MAN1C1: variants seen among roughly 807,000 people sequenced by gnomAD.
MAN1C1 encodes the protein mannosidase alpha class 1C member 1.
Under a neutral mutation model 71.5 loss-of-function variants are expected in MAN1C1, and 49 were observed. That is an observed-to-expected ratio of 0.69 (90% CI 0.54 to 0.87). The LOEUF (loss-of-function observed/expected upper bound fraction) is 0.87, where lower values mean the gene tolerates loss of function less well. MAN1C1 is among the 40% of genes least tolerant of loss of function. The pLI is 0.00. For synonymous variants in MAN1C1, 352 were observed against 343.7 expected, an observed-to-expected ratio of 1.02 and a Z score of -0.27; for missense variants, 743 against 835.0, an observed-to-expected ratio of 0.89 and a Z score of 1.36.
At position 25,712,700 on chromosome 1, in the gene MAN1C1, C is replaced by T. The variant is rs535006921; in HGVS notation, c.637+26164C>T. Among the ~76,000 whole-genome samples, 6 of 152,290 alleles carry T rather than the reference C, an allele frequency of 3.9e-5. No homozygotes were observed. The South Asian group carries it at 1.2e-3, about 32-fold the overall frequency. ...CTCGAATAGGAAAACCTACTCTCTC[C>T]CTGATGATCTTCCACCCGCTTCAAC... On this transcript the variant is annotated intron_variant, in intron 2 of 11. Transcript: ENST00000374332.
At chr1:25,767,090 C>A (rs1436004249) in intron 7 of MAN1C1, among the ~76,000 whole-genome samples, 1 of 151,886 alleles carries the variant, frequency 6.6e-6, no homozygotes, top group African/African-American at 2.4e-5. Context: ...ACAATGTCTT[C>A]TCATTCCTAT....
chr1:25,663,917 C>T (rs979754758), intron 1 of MAN1C1, among the ~76,000 whole-genome samples: 1 of 152,138 alleles, frequency 6.6e-6, no homozygotes, highest in African/African-American at 2.4e-5. Flanking sequence ...GATAATGGGA[C>T]AGAATATTTG....
At chr1:25,773,135 C>T (rs535567547) in intron 8 of MAN1C1, among the ~76,000 whole-genome samples, 11 of 152,336 alleles carry the variant, frequency 7.2e-5, no homozygotes, top group Admixed American at 5.9e-4. Flanking sequence ...ATCTTGTCTG[C>T]TCCTAAAACA....
rs751546466 is a variant in MAN1C1 at position 25,778,079 on chromosome 1, CT to C, written c.1258-25del. ...CTGTGCCCTCCCACGCCCCTTCTCCCTGCCCAATCCCCACCTTGCTCCCAGG... is the reference window on the plus strand; with the variant it reads ...CTGTGCCCTCCCACGCCCCTTCTCCCGCCCAATCCCCACCTTGCTCCCAGG... On this transcript the variant is annotated intron_variant, in intron 8 of 11. Transcript: ENST00000374332. The surrounding 1 kb of genome is among the most constrained non-coding windows in gnomAD (Gnocchi z 5.5). The C allele has an allele frequency of 5.0e-5, 76 of 1,515,428 alleles. 2 individuals are homozygous for C. The Middle Eastern group carries it at 7.9e-3, about 157-fold the overall frequency. The allele number at this position is 1,515,428 out of a possible 1,614,324, so 93.9% of individuals were successfully genotyped here.
rs952703475 is a variant in MAN1C1, at chr1:25,764,461, G to A, written c.1141+494G>A. On this transcript the variant is annotated intron_variant, in intron 7 of 11. Coordinates refer to ENST00000374332, the MANE Select transcript of MAN1C1 (RefSeq NM_020379.4). The surrounding 1 kb of genome is among the most constrained non-coding windows in gnomAD (Gnocchi z 4.4). ...AGAGTCTCACTCTGTCACCCAGGCC[G>A]GAGTGCAGTGGCACGATCTCGGCTC... 5.9e-5 allele frequency among the ~76,000 whole-genome samples: 9 copies of A among 151,790 alleles called. No homozygotes were observed. The highest frequency in any genetic ancestry group is 5.2e-4 in the Admixed American group (8 of 15,266).
At chr1:25,737,506 T>C (rs536186444) in intron 2 of MAN1C1, among the ~76,000 whole-genome samples, 1 of 152,358 alleles carries the variant, frequency 6.6e-6, no homozygotes, top group Admixed American at 6.5e-5. Flanking sequence ...AAGAAAGAGC[T>C]GTTGGCATTT....
At position 25,783,799 on chromosome 1, in the gene MAN1C1, CT is replaced by C; in HGVS notation, c.*11del. ...CTGGGGCAGACACTGACCCCATCTCCTGCCGCCGCCCTGGGGCCGCCGCAGG... is the reference window on the plus strand; with the variant it reads ...CTGGGGCAGACACTGACCCCATCTCCGCCGCCGCCCTGGGGCCGCCGCAGG... On this transcript the variant is annotated 3_prime_UTR_variant, in exon 12 of 12. Transcript: ENST00000374332. The C allele has an allele frequency of 6.2e-7, 1 of 1,607,912 alleles. No individual in the cohort carries two copies. Among genetic ancestry groups the C allele is most frequent in the Non-Finnish European group, 8.5e-7 (1 of 1,179,286 alleles).
intron 2 of MAN1C1, among the ~76,000 whole-genome samples, chr1:25,705,133 ACATGCCC>A (rs1305735204): frequency 1.3e-5 from 2 of 152,262 alleles, no homozygotes; most frequent in Non-Finnish European, 2.9e-5. Context: ...TCAGTTTAAT[ACATGCCC>A]ATTATAGTGA....
At position 25,727,949 on chromosome 1, in the gene MAN1C1, G is replaced by A. The variant is rs564424693; in HGVS notation, c.638-18719G>A. Reference sequence around the variant, plus strand: ...ATAACACAGTCTACCTGCCATGTCTGAAAAATCAGGCGTGCGTCTTCCTGG... The same window carrying A: ...ATAACACAGTCTACCTGCCATGTCTAAAAAATCAGGCGTGCGTCTTCCTGG... On this transcript the variant is annotated intron_variant, in intron 2 of 11. Coordinates refer to ENST00000374332, the MANE Select transcript of MAN1C1 (RefSeq NM_020379.4). Among the ~76,000 whole-genome samples the A allele has an allele frequency of 1.4e-3, 212 of 152,360 alleles. 2 individuals are homozygous for A. The highest frequency in any genetic ancestry group is 4.2e-3 in the African/African-American group (176 of 41,586).
chr1:25,740,134 G>A (rs1344224325), intron 2 of MAN1C1, among the ~76,000 whole-genome samples: 1 of 152,160 alleles, frequency 6.6e-6, no homozygotes, highest in Non-Finnish European at 1.5e-5. Flanking sequence ...TGCCCCTGGT[G>A]ATGAAGGCTG....
At chr1:25,639,880 T>C (rs2045514340) in intron 1 of MAN1C1, among the ~76,000 whole-genome samples, 1 of 152,228 alleles carries the variant, frequency 6.6e-6, no homozygotes, top group African/African-American at 2.4e-5. Context: ...TATTTTTTGC[T>C]CATCTGCTTT....
intron 2 of MAN1C1, among the ~76,000 whole-genome samples, chr1:25,718,657 G>C (rs2046716753): frequency 1.3e-5 from 2 of 152,126 alleles, no homozygotes; most frequent in African/African-American, 4.8e-5. Flanking sequence ...GCCTTTTTTG[G>C]ATGTTTCATA....
intron 7 of MAN1C1, among the ~76,000 whole-genome samples, chr1:25,768,007 ACACACACAGACC>A (rs2047470737): frequency 2.5e-5 from 2 of 80,718 alleles, no homozygotes; most frequent in African/African-American, 9.6e-5. Flanking sequence ...ACACTCCCCC[ACACACACAGACC>A]CACACACCCA....
At chr1:25,770,789 C>T (rs919638193) in intron 7 of MAN1C1, among the ~76,000 whole-genome samples, 2 of 151,778 alleles carry the variant, frequency 1.3e-5, no homozygotes, top group African/African-American at 4.8e-5. Flanking sequence ...CCCATTCCCC[C>T]CGCCCCGCCT....
chr1:25,639,287 C>T (rs2045506692), intron 1 of MAN1C1, among the ~76,000 whole-genome samples: 1 of 152,066 alleles, frequency 6.6e-6, no homozygotes, highest in Non-Finnish European at 1.5e-5. Context: ...TTTATAATAG[C>T]TTTTTAAAAA....
chr1:25,753,660 G>A lies in MAN1C1; in HGVS notation c.929+82G>A. The A allele has an allele frequency of 1.6e-6, 2 of 1,270,170 alleles. No individual in the cohort carries two copies. The highest frequency in any genetic ancestry group is 2.5e-5 in the East Asian group (1 of 40,018). 78.7% of individuals were successfully genotyped at this position (1,270,170 alleles called of 1,614,324 possible). On this transcript the variant is annotated intron_variant, in intron 5 of 11. Transcript: ENST00000374332. The surrounding 1 kb of genome is among the most constrained non-coding windows in gnomAD (Gnocchi z 4.9). Reference sequence around the variant, plus strand: ...TGTTTTGTCTGGGTGGTGCTGGTGAGGAGGCTCCAGGGGCAGTAGGCAGGC... The same window carrying A: ...TGTTTTGTCTGGGTGGTGCTGGTGAAGAGGCTCCAGGGGCAGTAGGCAGGC...
chr1:25,747,575 T>C (rs2047147601), intron 3 of MAN1C1, among the ~76,000 whole-genome samples: 1 of 152,088 alleles, frequency 6.6e-6, no homozygotes, highest in Non-Finnish European at 1.5e-5. Flanking sequence ...TGCAGACAGG[T>C]CTGGGGCTGG....
At chr1:25,721,902 A>T (rs1445457864) in intron 2 of MAN1C1, among the ~76,000 whole-genome samples, 1 of 152,076 alleles carries the variant, frequency 6.6e-6, no homozygotes, top group Non-Finnish European at 1.5e-5. Flanking sequence ...CTCATTTTCC[A>T]TCCCCTATTT....
chr1:25,643,586 TTTATTATTA>T lies in MAN1C1; in HGVS notation c.540+25270_540+25278del, dbSNP rs376041844. Among the ~76,000 whole-genome samples, 12 of 139,866 alleles carry T rather than the reference TTTATTATTA, an allele frequency of 8.6e-5. 1 individual carries two copies. In the South Asian group the frequency reaches 1.8e-3, roughly 21 times the overall value. The allele number at this position is 139,866 out of a possible 152,430, so 91.8% of individuals were successfully genotyped here. A position where few individuals can be genotyped will look rare whatever the true frequency, so the allele number is the denominator to read the frequency against. On this transcript the variant is annotated intron_variant, in intron 1 of 11. Transcript: ENST00000374332. ...ACGCCTGGCCTTTTATATATATATA[TTTATTATTA>T]TTATTATTATTATTATTATTTGCCT...
Sources: gnomAD v4.1 joint callset for allele counts (sites outside exome capture counted in the v4.1 genomes callset) on GRCh38, gnomAD v4.1.1 for gene constraint, Gnocchi (gnomAD v3.1) non-coding constraint, MANE v1.5 for transcripts, NCBI Gene and HGNC (gene_info 2026-07-23, HGNC 2026-07-21) for gene names.